The following PAPPA2 variants were observed in gnomAD, a reference collection of about 807,000 sequenced individuals.
The protein encoded by PAPPA2 is pappalysin-2.
Under a neutral mutation model 176.4 loss-of-function variants are expected in PAPPA2, and 86 were observed. That is an observed-to-expected ratio of 0.49 (90% CI 0.41 to 0.58). The LOEUF is 0.58. Among genes scored for constraint, PAPPA2 ranks in the 20% least tolerant of loss-of-function variants. The probability of loss-of-function intolerance (pLI) is 0.00; values close to 1 mark genes in which losing one functional copy is unlikely to be tolerated. For synonymous variants in PAPPA2, 809 were observed against 852.2 expected, an observed-to-expected ratio of 0.95 and a Z score of 0.88; for missense variants, 2,073 against 2,256.9, an observed-to-expected ratio of 0.92 and a Z score of 1.65.
chr1:176,475,037 T>C (rs978448780), intron 1 of PAPPA2, among the ~76,000 whole-genome samples: 1 of 152,102 alleles, frequency 6.6e-6, no homozygotes, highest in Non-Finnish European at 1.5e-5. Context: ...TCATTGTTGG[T>C]TGGTGGTATT....
rs375427189 is a variant in PAPPA2, at chr1:176,535,644, T to A, written c.-916-19763T>A. Among the ~76,000 whole-genome samples the A allele has an allele frequency of 6.6e-5, 10 of 152,260 alleles. No homozygotes were observed. In the South Asian group the frequency reaches 2.1e-3, roughly 32 times the overall value. On this transcript the variant is annotated intron_variant, in intron 1 of 22. Coordinates refer to ENST00000367662, the MANE Select transcript of PAPPA2 (RefSeq NM_020318.3). ...GCAGTGTGGGGCCAGAGAAGCAGTA[T>A]CTATAGCAGCTATGAGAATGGGATC...
intron 3 of PAPPA2, among the ~76,000 whole-genome samples, chr1:176,661,636 G>A (rs1350657130): frequency 3.3e-5 from 5 of 151,520 alleles, no homozygotes; most frequent in African/African-American, 1.2e-4. Flanking sequence ...CCCAGACATT[G>A]CAGGCAGAGT....
chr1:176,523,758 A>C (rs1451687225), intron 1 of PAPPA2, among the ~76,000 whole-genome samples: 1 of 152,246 alleles, frequency 6.6e-6, no homozygotes, highest in African/African-American at 2.4e-5. Context: ...TAAAACAATT[A>C]TACCTACCCC....
At chr1:176,650,882 G>T (rs1657681199) in intron 3 of PAPPA2, among the ~76,000 whole-genome samples, 1 of 151,482 alleles carries the variant, frequency 6.6e-6, no homozygotes, top group Non-Finnish European at 1.5e-5. Flanking sequence ...AGGCTTTTGT[G>T]TTGTGGCCAC....
At chr1:176,731,115 A>G (rs1662119104) in intron 12 of PAPPA2, among the ~76,000 whole-genome samples, 1 of 152,080 alleles carries the variant, frequency 6.6e-6, no homozygotes, top group African/African-American at 2.4e-5. Flanking sequence ...TTGTTTTTAT[A>G]CATAAACATC....
chr1:176,508,341 C>T (rs1214886701), intron 1 of PAPPA2, among the ~76,000 whole-genome samples: 1 of 151,612 alleles, frequency 6.6e-6, no homozygotes, highest in Non-Finnish European at 1.5e-5. Context: ...AATTAGCAAA[C>T]AACAATTTAA....
chr1:176,716,224 CCT>C (rs887782341), intron 12 of PAPPA2, among the ~76,000 whole-genome samples: 11 of 149,014 alleles, frequency 7.4e-5, no homozygotes, highest in African/African-American at 2.8e-4. Context: ...GCCAATTTAA[CCT>C]CTTTCTTTTT....
chr1:176,692,064 G>A, intron 5 of PAPPA2, 62 bp from the exon 6 acceptor site: 1 of 1,480,384 alleles, frequency 6.8e-7, no homozygotes, highest in Admixed American at 1.8e-5. Flanking sequence ...ATTTATCCCT[G>A]CCTTGGTGGA....
chr1:176,788,290 T>C lies in PAPPA2; in HGVS notation c.4716-1519T>C, dbSNP rs1319042433. On this transcript the variant is annotated intron_variant, in intron 17 of 22. Coordinates refer to ENST00000367662, the MANE Select transcript of PAPPA2 (RefSeq NM_020318.3). ...GCCTCTGGCTTCTGGAAGCTTCCAA[T>C]CTAGTGGGAAAGACAGTCACATGTG... is the stretch of plus-strand genomic sequence containing the variant. Among the ~76,000 whole-genome samples the C allele has an allele frequency of 2.6e-5, 4 of 152,282 alleles. No individual in the cohort carries two copies. In the East Asian group the frequency reaches 5.8e-4, roughly 22 times the overall value.
intron 17 of PAPPA2, among the ~76,000 whole-genome samples, chr1:176,785,388 C>T (rs1041342947): frequency 5.3e-5 from 8 of 151,962 alleles, no homozygotes; most frequent in African/African-American, 1.5e-4. Context: ...GGCTTAGAGA[C>T]GTTGGTTGTC....
At chr1:176,795,304 C>T (rs766195172) in intron 20 of PAPPA2, among the ~76,000 whole-genome samples, 1 of 152,176 alleles carries the variant, frequency 6.6e-6, no homozygotes, top group Non-Finnish European at 1.5e-5. Context: ...CCCCCGGTAT[C>T]TCCTCAATGC....
At chr1:176,530,950 C>A (rs771555949) in intron 1 of PAPPA2, among the ~76,000 whole-genome samples, 1 of 152,014 alleles carries the variant, frequency 6.6e-6, no homozygotes, top group Non-Finnish European at 1.5e-5. Context: ...TTCTTGCTTC[C>A]AACTGGGAGA....
intron 21 of PAPPA2, among the ~76,000 whole-genome samples, chr1:176,818,382 A>G (rs1666495698): frequency 6.6e-6 from 1 of 152,312 alleles, no homozygotes; most frequent in Admixed American, 6.5e-5. Context: ...ATGGAATTCA[A>G]GAATTCAAGG....
chr1:176,617,773 A>G, intron 3 of PAPPA2, among the ~76,000 whole-genome samples: 1 of 152,102 alleles, frequency 6.6e-6, no homozygotes, highest in East Asian at 1.9e-4. Flanking sequence ...TGTATTTTTC[A>G]TATAATGACT....
chr1:176,626,116 A>G (rs1340787969), intron 3 of PAPPA2, among the ~76,000 whole-genome samples: 1 of 152,192 alleles, frequency 6.6e-6, no homozygotes, highest in Non-Finnish European at 1.5e-5. Flanking sequence ...TACAAAGTTC[A>G]CACCACCACC....
chr1:176,706,346 T>C lies in PAPPA2; in HGVS notation c.3366-13T>C. 1.2e-6 allele frequency: 2 copies of C among 1,611,176 alleles called. No homozygotes were observed. The highest frequency in any genetic ancestry group is 1.7e-6 in the Non-Finnish European group (2 of 1,177,700). ...TGTATGTGTTATATATGCATATATA[T>C]TTTACCCTCTAGGAGACTGGGAGAA... On this transcript the variant is annotated splice_polypyrimidine_tract_variant and intron_variant, in intron 9 of 22. Coordinates refer to ENST00000367662, the MANE Select transcript of PAPPA2 (RefSeq NM_020318.3).
intron 14 of PAPPA2, among the ~76,000 whole-genome samples, chr1:176,750,416 C>T (rs1481314669): frequency 2.0e-5 from 3 of 152,012 alleles, no homozygotes; most frequent in Admixed American, 6.6e-5. Context: ...ACCAGGCTGG[C>T]CAACATGGTG....
intron 20 of PAPPA2, among the ~76,000 whole-genome samples, chr1:176,798,223 A>G (rs1665530139): frequency 6.6e-6 from 1 of 152,190 alleles, no homozygotes; most frequent in African/African-American, 2.4e-5. Context: ...TGATTTATAT[A>G]TAAGCTTTGT....
chr1:176,494,983 T>C (rs1192692687), intron 1 of PAPPA2, among the ~76,000 whole-genome samples: 1 of 152,208 alleles, frequency 6.6e-6, no homozygotes, highest in Non-Finnish European at 1.5e-5. Flanking sequence ...TCTTACTCTT[T>C]GATTTTTACA....
Sources: allele counts gnomAD v4.1 joint callset (sites outside exome capture counted in the v4.1 genomes callset), GRCh38; gene constraint gnomAD v4.1.1; transcripts MANE v1.5; gene names NCBI Gene and HGNC (gene_info 2026-07-23, HGNC 2026-07-21).